The following KCTD16 variants were observed in gnomAD, a reference collection of about 807,000 sequenced individuals.
The protein encoded by KCTD16 is BTB/POZ domain-containing protein KCTD16.
KCTD16 carries 13 observed loss-of-function variants against 33.2 expected under a neutral mutation model. The ratio of observed to expected loss-of-function variants is 0.39; its 90% confidence interval spans 0.25 to 0.62. The LOEUF is 0.62. Ranked by LOEUF, KCTD16 falls within the 20% of genes least tolerant of loss-of-function variation. KCTD16 has a pLI of 0.50. For synonymous variants in KCTD16, 197 were observed against 195.3 expected (o/e 1.01, Z -0.07); for missense variants, 441 against 525.1 (o/e 0.84, Z 1.57).
chr5:144,175,877 A>C (rs1752496078), intron 2 of KCTD16, among the ~76,000 whole-genome samples: 1 of 152,238 alleles, frequency 6.6e-6, no homozygotes, highest in Non-Finnish European at 1.5e-5. Context: ...TCTTCAGGAA[A>C]AATTGTCTTT....
intron 3 of KCTD16, among the ~76,000 whole-genome samples, chr5:144,257,320 C>T (rs994866934): frequency 3.3e-5 from 5 of 152,108 alleles, no homozygotes; most frequent in Admixed American, 6.5e-5. Context: ...CTCAAGATGA[C>T]AAGATCAACC....
intron 3 of KCTD16, among the ~76,000 whole-genome samples, chr5:144,462,551 A>G (rs1248573944): frequency 6.9e-6 from 1 of 145,564 alleles, no homozygotes; most frequent in African/African-American, 2.5e-5. Context: ...TTTTTGAATA[A>G]TTCTCTTTTG....
intron 2 of KCTD16, among the ~76,000 whole-genome samples, chr5:144,180,708 CAG>C (rs2126773305): frequency 6.6e-6 from 1 of 152,246 alleles, no homozygotes; most frequent in South Asian, 2.1e-4. Context: ...AGCTTTCAAA[CAG>C]AACATATACA....
chr5:144,334,880 G>A (rs1302506164), intron 3 of KCTD16, among the ~76,000 whole-genome samples: 1 of 151,914 alleles, frequency 6.6e-6, no homozygotes, highest in African/African-American at 2.4e-5. Context: ...AGGCTTAAGC[G>A]ATCCTCCCAC....
chr5:144,335,464 T>C (rs1752462633), intron 3 of KCTD16, among the ~76,000 whole-genome samples: 2 of 152,186 alleles, frequency 1.3e-5, no homozygotes, highest in Non-Finnish European at 2.9e-5. Context: ...ATTGGAAGTC[T>C]ACTATGAGAA....
intron 3 of KCTD16, among the ~76,000 whole-genome samples, chr5:144,409,674 A>G (rs1490223935): frequency 6.6e-6 from 1 of 152,114 alleles, no homozygotes; most frequent in African/African-American, 2.4e-5. Flanking sequence ...CCTGGCCAAC[A>G]TTGTGAAACC....
intron 2 of KCTD16, among the ~76,000 whole-genome samples, chr5:144,183,719 G>A (rs954945710): frequency 1.3e-5 from 2 of 152,134 alleles, no homozygotes; most frequent in Admixed American, 6.5e-5. Flanking sequence ...GGAAGACAGG[G>A]CATTTTTGTT....
intron 2 of KCTD16, among the ~76,000 whole-genome samples, chr5:144,193,794 C>T (rs762995404): frequency 2.6e-5 from 4 of 151,764 alleles, no homozygotes; most frequent in East Asian, 1.9e-4. Context: ...CAAATGGAAG[C>T]GAAGAGAAGA....
chr5:144,468,207 T>C (rs239471), intron 3 of KCTD16, among the ~76,000 whole-genome samples: 65,402 of 152,054 alleles, frequency 0.43, 14,296 homozygotes, highest in East Asian at 0.67. Flanking sequence ...ATAACTGCAT[T>C]TTCTTTTACT....
At chr5:144,203,626 C>T (rs1753093051) in intron 2 of KCTD16, among the ~76,000 whole-genome samples, 1 of 152,204 alleles carries the variant, frequency 6.6e-6, no homozygotes, top group Admixed American at 6.5e-5. Context: ...CACCTACTGC[C>T]ATACTGTCCC....
At chr5:144,225,552 T>TTGTGTG (rs10550980) in intron 3 of KCTD16, among the ~76,000 whole-genome samples, 4,949 of 138,278 alleles carry the variant, frequency 0.036, 91 homozygotes, top group Middle Eastern at 0.076. Flanking sequence ...CAAAAATAAA[T>TTGTGTG]TGTGTGTGTG....
chr5:144,363,225 C>T (rs957939092), intron 3 of KCTD16, among the ~76,000 whole-genome samples: 2 of 152,042 alleles, frequency 1.3e-5, no homozygotes, highest in Admixed American at 1.3e-4. Context: ...ACCTGTAATC[C>T]CAGTTACTCT....
At chr5:144,343,760 A>G (rs1476461042) in intron 3 of KCTD16, among the ~76,000 whole-genome samples, 1 of 152,170 alleles carries the variant, frequency 6.6e-6, no homozygotes, top group African/African-American at 2.4e-5. Context: ...AATGTGTCCC[A>G]GAGATTCTGG....
chr5:144,374,962 G>A (rs762964134), intron 3 of KCTD16, among the ~76,000 whole-genome samples: 8 of 152,022 alleles, frequency 5.3e-5, no homozygotes, highest in East Asian at 1.9e-4. Flanking sequence ...GTTGTCTCCC[G>A]GTCCACACTG....
chr5:144,407,842 G>C (rs185466848), intron 3 of KCTD16, among the ~76,000 whole-genome samples: 1 of 152,216 alleles, frequency 6.6e-6, no homozygotes, highest in East Asian at 1.9e-4. Flanking sequence ...ATGGCTTCCA[G>C]CTTCAACCAT....
chr5:144,207,432 T>C lies in KCTD16; in HGVS notation c.718T>C (p.Leu240=), dbSNP rs1199378501. ...GCACCTGGAAAGGGCTTTTGATATG[T>C]TGTCAGAGTGTGGATTCCACATGGT... The part of the protein sequence containing the change: ...FKHLERAFDM[L]SECGFHMVAC... The change falls in exon 3 of 4, where the codon TTG becomes CTG. Residue 240 remains leucine, a synonymous_variant. Transcript: ENST00000512467. 9.9e-6 allele frequency: 16 copies of C among 1,614,236 alleles called. 1 individual carries two copies. In the South Asian group the frequency reaches 1.6e-4, roughly 17 times the overall value.
At chr5:144,278,140 A>T (rs143204833) in intron 3 of KCTD16, among the ~76,000 whole-genome samples, 1 of 152,150 alleles carries the variant, frequency 6.6e-6, no homozygotes, top group Non-Finnish European at 1.5e-5. Context: ...GTCTTCTAAA[A>T]GTGTAATAGT....
At chr5:144,423,774 G>A (rs930023924) in intron 3 of KCTD16, among the ~76,000 whole-genome samples, 1 of 152,106 alleles carries the variant, frequency 6.6e-6, no homozygotes, top group Non-Finnish European at 1.5e-5. Context: ...CTGAGAGATT[G>A]GATGAGGAGG....
intron 3 of KCTD16, among the ~76,000 whole-genome samples, chr5:144,257,961 C>G (rs1193296109): frequency 6.6e-6 from 1 of 152,138 alleles, no homozygotes; most frequent in Non-Finnish European, 1.5e-5. Context: ...GGATATTTCT[C>G]CCTGGACAAT....
Sources: gnomAD v4.1 joint callset for allele counts (sites outside exome capture counted in the v4.1 genomes callset) on GRCh38, gnomAD v4.1.1 for gene constraint, MANE v1.5 for transcripts, NCBI Gene and HGNC (gene_info 2026-07-23, HGNC 2026-07-21) for gene names.